Variants in PAN3 observed in about 807,000 individuals in gnomAD.
PAN3 encodes PAN2-PAN3 deadenylation complex subunit PAN3.
In PAN3, 19 loss-of-function variants were observed where a neutral mutation model predicts 96.2. That is an observed-to-expected ratio of 0.20 (90% CI 0.14 to 0.29). The LOEUF is 0.29. Among genes scored for constraint, PAN3 ranks in the 10% least tolerant of loss-of-function variants. The probability of loss-of-function intolerance (pLI) is 1.00; values close to 1 mark genes in which losing one functional copy is unlikely to be tolerated. For synonymous variants in PAN3, 433 were observed against 406.6 expected, an observed-to-expected ratio of 1.06 and a Z score of -0.78; for missense variants, 882 against 1,108.1, an observed-to-expected ratio of 0.80 and a Z score of 2.90.
chr13:28,219,327 A>G (rs1354532094), intron 5 of PAN3, among the ~76,000 whole-genome samples: 3 of 151,598 alleles, frequency 2.0e-5, no homozygotes, highest in Non-Finnish European at 4.4e-5. Flanking sequence ...TTTTTATTTA[A>G]CTTTAGCTGG....
intron 5 of PAN3, chr13:28,215,527 C>T (rs1880638756): frequency 3.0e-6 from 2 of 673,954 alleles, no homozygotes; most frequent in African/African-American, 3.6e-5. Context: ...GGCAGTTGGC[C>T]TCACTGCTCA....
intron 4 of PAN3, among the ~76,000 whole-genome samples, chr13:28,179,594 C>T (rs138384583): frequency 0.01 from 1,545 of 151,890 alleles, 24 homozygotes; most frequent in African/African-American, 0.035. Context: ...TACACACCTG[C>T]AGTCGCAGCT....
chr13:28,157,631 C>G (rs980595324), intron 1 of PAN3, among the ~76,000 whole-genome samples: 1 of 152,074 alleles, frequency 6.6e-6, no homozygotes, highest in Non-Finnish European at 1.5e-5. Context: ...AATAAAATAC[C>G]TAGGAATACA....
intron 1 of PAN3, among the ~76,000 whole-genome samples, chr13:28,173,027 A>C (rs1874503285): frequency 6.6e-6 from 1 of 152,216 alleles, no homozygotes; most frequent in Admixed American, 6.5e-5. Context: ...ACAGGGAGTG[A>C]AAGTGTGTCA....
At position 28,142,558 on chromosome 13, in the gene PAN3, C is replaced by T. The variant is rs115829592; in HGVS notation, c.430+3471C>T. The stretch of plus-strand genomic sequence containing the variant: ...GACAGGGACCACAGGCACTGGCTAC[C>T]AAGCACCTCTAATTATTTTGTATTT... On this transcript the variant is annotated intron_variant, in intron 1 of 18. Coordinates refer to ENST00000380958, the MANE Select transcript of PAN3 (RefSeq NM_175854.8). Among the ~76,000 whole-genome samples the T allele has an allele frequency of 9.4e-3, 1,389 of 147,648 alleles. 20 individuals are homozygous for T. Among genetic ancestry groups the T allele is most frequent in the African/African-American group, 0.034 (1,308 of 38,768 alleles).
intron 5 of PAN3, 102 bp downstream of exon 5, chr13:28,197,448 G>A (rs1259624107): frequency 9.1e-7 from 1 of 1,095,762 alleles, no homozygotes; most frequent in Non-Finnish European, 1.2e-6. Context: ...TGACTTAGCT[G>A]GTATACTTAG....
intron 4 of PAN3, among the ~76,000 whole-genome samples, chr13:28,187,302 G>A (rs1876605378): frequency 6.6e-6 from 1 of 152,102 alleles, no homozygotes; most frequent in Admixed American, 6.5e-5. Context: ...ACTCCAGCCT[G>A]GGAAACAGAG....
chr13:28,195,086 A>G (rs1437847483), intron 4 of PAN3, among the ~76,000 whole-genome samples: 1 of 152,154 alleles, frequency 6.6e-6, no homozygotes, highest in Admixed American at 6.5e-5. Flanking sequence ...TCAAGATTGC[A>G]TAAAGGTGGA....
At chr13:28,145,956 G>A (rs1593352372) in intron 1 of PAN3, among the ~76,000 whole-genome samples, 2 of 149,816 alleles carry the variant, frequency 1.3e-5, no homozygotes, top group African/African-American at 4.9e-5. Flanking sequence ...TAGTAGAGAT[G>A]AGGGTTTCAC....
chr13:28,184,917 G>A (rs1052101752), intron 4 of PAN3, among the ~76,000 whole-genome samples: 2 of 151,810 alleles, frequency 1.3e-5, no homozygotes, highest in African/African-American at 4.8e-5. Flanking sequence ...TTTTGTTATT[G>A]GTCTTGAATT....
chr13:28,206,483 C>T (rs374302892), intron 5 of PAN3, among the ~76,000 whole-genome samples: 16 of 151,718 alleles, frequency 1.1e-4, no homozygotes, highest in African/African-American at 3.4e-4. Flanking sequence ...CCACCACACC[C>T]GGCTAATTTT....
At chr13:28,267,896 T>G (rs951032826) in intron 12 of PAN3, among the ~76,000 whole-genome samples, 1 of 152,156 alleles carries the variant, frequency 6.6e-6, no homozygotes, top group East Asian at 1.9e-4. Context: ...CATATCACAT[T>G]TTAAAAAGAA....
At chr13:28,260,875 T>C (rs1223306232) in intron 8 of PAN3, among the ~76,000 whole-genome samples, 1 of 152,204 alleles carries the variant, frequency 6.6e-6, no homozygotes, top group African/African-American at 2.4e-5. Flanking sequence ...TTCTAATAGA[T>C]GTAGGTTAAA....
chr13:28,196,164 C>CT, intron 4 of PAN3, among the ~76,000 whole-genome samples: 1 of 151,720 alleles, frequency 6.6e-6, no homozygotes, highest in Admixed American at 6.6e-5. Flanking sequence ...TGGCCAGCAT[C>CT]TTTTTTTGAA....
At chr13:28,194,422 G>A (rs1877717851) in intron 4 of PAN3, among the ~76,000 whole-genome samples, 1 of 145,572 alleles carries the variant, frequency 6.9e-6, no homozygotes. Flanking sequence ...ATATACGTGT[G>A]TGTGTGTATA....
At chr13:28,274,024 C>T (rs994841753) in intron 14 of PAN3, among the ~76,000 whole-genome samples, 1 of 152,194 alleles carries the variant, frequency 6.6e-6, no homozygotes, top group African/African-American at 2.4e-5. Flanking sequence ...CAAAGACTTG[C>T]AGGCACTCAT....
At chr13:28,217,614 G>A (rs1880949788) in intron 5 of PAN3, among the ~76,000 whole-genome samples, 1 of 151,676 alleles carries the variant, frequency 6.6e-6, no homozygotes, top group Admixed American at 6.6e-5. Flanking sequence ...AAAAATTGTG[G>A]GGTAAATTTG....
At chr13:28,208,076 T>G (rs890816544) in intron 5 of PAN3, among the ~76,000 whole-genome samples, 1 of 152,202 alleles carries the variant, frequency 6.6e-6, no homozygotes, top group Non-Finnish European at 1.5e-5. Context: ...AAATTTTCCC[T>G]TGGTACAGTT....
chr13:28,179,395 TA>T (rs1370511734), intron 4 of PAN3, among the ~76,000 whole-genome samples: 1 of 152,208 alleles, frequency 6.6e-6, no homozygotes, highest in African/African-American at 2.4e-5. Context: ...AGGTATTCCC[TA>T]ATCACTTTTT....
Sources: allele counts gnomAD v4.1 joint callset (sites outside exome capture counted in the v4.1 genomes callset), GRCh38; gene constraint gnomAD v4.1.1; transcripts MANE v1.5; gene names NCBI Gene and HGNC (gene_info 2026-07-23, HGNC 2026-07-21).